CSMD1: variants seen among roughly 807,000 people sequenced by gnomAD.
CSMD1 encodes the protein CUB and Sushi multiple domains 1.
In CSMD1, 213 loss-of-function variants were observed where a neutral mutation model predicts 417.5. The ratio of observed to expected loss-of-function variants is 0.51; its 90% CI spans 0.46 to 0.57. The LOEUF is 0.57. Ranked by LOEUF, CSMD1 falls within the 20% of genes least tolerant of loss-of-function variation. CSMD1 has a pLI of 0.00. For synonymous variants in CSMD1, 2,862 were observed against 1,736.8 expected (o/e 1.65, Z -16.11); for missense variants, 6,923 against 4,529.7 (o/e 1.53, Z -15.17).
chr8:3,251,568 A>C (rs990169756), intron 26 of CSMD1, among the ~76,000 whole-genome samples: 1 of 152,142 alleles, frequency 6.6e-6, no homozygotes. Flanking sequence ...GTTCCATATG[A>C]ACTTTAAAGT....
In CSMD1 at chr8:4,032,062, G is replaced by A. The variant is rs1344444549; in HGVS notation, c.453C>T (p.Ile151=). 2.2e-5 allele frequency: 36 copies of A among 1,613,194 alleles called. No individual in the cohort carries two copies. In the Admixed American group the frequency reaches 5.3e-4, roughly 24 times the overall value. The change falls in exon 4 of 70, where the codon ATC becomes ATT. Residue 151 remains isoleucine (I), a synonymous_variant. Coordinates refer to ENST00000635120, the MANE Select transcript of CSMD1 (RefSeq NM_033225.6). ...TCGTTCCATGCAGAACTCCTTTCAG[G>A]ATTTCTCCAGGATTTCCACAAGTGT... is the stretch of plus-strand genomic sequence containing the variant. ...PSHTCGNPGE[I]LKGVLHGTRF...
chr8:4,473,976 T>A (rs1800667633), intron 2 of CSMD1, among the ~76,000 whole-genome samples: 1 of 152,044 alleles, frequency 6.6e-6, no homozygotes, highest in Non-Finnish European at 1.5e-5. Flanking sequence ...GGTACCTGTG[T>A]CAAAAGAGAC....
chr8:4,024,507 C>G (rs528523273), intron 4 of CSMD1, among the ~76,000 whole-genome samples: 1 of 152,256 alleles, frequency 6.6e-6, no homozygotes, highest in South Asian at 2.1e-4. Context: ...TGACTTGTTA[C>G]AATGTCCAAG....
At chr8:3,005,870 G>T (rs9774701) in intron 52 of CSMD1, among the ~76,000 whole-genome samples, 7,567 of 151,906 alleles carry the variant, frequency 0.05, 184 homozygotes, top group East Asian at 0.07. Context: ...ACAAGACAGG[G>T]ATGCCCTCTC....
chr8:4,406,930 C>G (rs570419038), intron 3 of CSMD1, among the ~76,000 whole-genome samples: 56 of 152,194 alleles, frequency 3.7e-4, no homozygotes, highest in African/African-American at 1.3e-3. Flanking sequence ...ATAACAAGAC[C>G]AAGCTGACTT....
At chr8:4,123,646 G>C (rs7836674) in intron 3 of CSMD1, among the ~76,000 whole-genome samples, 1 of 152,050 alleles carries the variant, frequency 6.6e-6, no homozygotes, top group African/African-American at 2.4e-5. Context: ...ATTGGAAATG[G>C]GAACTGGTAA....
At chr8:3,806,160 C>G (rs1344426483) in intron 5 of CSMD1, among the ~76,000 whole-genome samples, 3 of 152,134 alleles carry the variant, frequency 2.0e-5, no homozygotes. Context: ...TGACACAACC[C>G]ATCATATAAG....
intron 12 of CSMD1, among the ~76,000 whole-genome samples, chr8:3,462,197 G>C (rs996205535): frequency 6.6e-6 from 1 of 151,986 alleles, no homozygotes; most frequent in African/African-American, 2.4e-5. Flanking sequence ...GCAGTGTTCT[G>C]GTCCCTCCCT....
chr8:4,602,315 G>A (rs1006843599), intron 2 of CSMD1, among the ~76,000 whole-genome samples: 1 of 152,140 alleles, frequency 6.6e-6, no homozygotes, highest in Non-Finnish European at 1.5e-5. Context: ...GCACTTCAGA[G>A]GTCCGAAGCC....
intron 3 of CSMD1, among the ~76,000 whole-genome samples, chr8:4,096,350 T>A (rs1801010709): frequency 6.6e-6 from 1 of 152,108 alleles, no homozygotes; most frequent in African/African-American, 2.4e-5. Context: ...CAGCTTGGAT[T>A]TCCATATGGG....
At chr8:4,103,243 T>G (rs1227997197) in intron 3 of CSMD1, among the ~76,000 whole-genome samples, 1 of 121,152 alleles carries the variant, frequency 8.3e-6, no homozygotes, top group African/African-American at 3.1e-5. Context: ...AAATCTATAC[T>G]GATGATCAGT....
intron 3 of CSMD1, among the ~76,000 whole-genome samples, chr8:4,344,280 CTGTCATGTGTCTA>C (rs1800651616): frequency 6.6e-6 from 1 of 152,120 alleles, no homozygotes; most frequent in Admixed American, 6.6e-5. Flanking sequence ...ATTGTTCATT[CTGTCATGTGTCTA>C]GTTTAACAAA....
intron 40 of CSMD1, among the ~76,000 whole-genome samples, chr8:3,145,040 G>C (rs1019470245): frequency 1.4e-5 from 1 of 73,808 alleles, no homozygotes; most frequent in Admixed American, 1.1e-4. Flanking sequence ...CTAGAGTAAA[G>C]AGTTGTGTGT....
chr8:4,471,605 C>T (rs557373082), intron 2 of CSMD1, among the ~76,000 whole-genome samples: 1 of 151,850 alleles, frequency 6.6e-6, no homozygotes, highest in African/African-American at 2.4e-5. Flanking sequence ...AGAAAACAAC[C>T]CAGAACATTA....
chr8:2,936,312 C>T lies in CSMD1; in HGVS notation c.*2273G>A, dbSNP rs1267902723. On this transcript the variant is annotated 3_prime_UTR_variant, in exon 70 of 70. Transcript: ENST00000635120. ...GGATATGGGAACAGAGATGTTAATT[C>T]AGACTCTGAAGTCAGCATTTTGCAC... 1 of 151,770 alleles carries T rather than the reference C, an allele frequency of 6.6e-6. No individual in the cohort carries two copies. The highest frequency in any genetic ancestry group is 1.5e-5 in the Non-Finnish European group (1 of 68,000). 9.4% of individuals were successfully genotyped at this position (151,770 alleles called of 1,614,324 possible). A position where few individuals can be genotyped will look rare whatever the true frequency, so the allele number is the denominator to read the frequency against.
At chr8:3,318,435 T>G (rs935789356) in intron 23 of CSMD1, among the ~76,000 whole-genome samples, 1 of 152,168 alleles carries the variant, frequency 6.6e-6, no homozygotes, top group Non-Finnish European at 1.5e-5. Context: ...ACGCCGAAGA[T>G]ACAAAATTAA....
At chr8:3,726,701 A>G (rs1033634715) in intron 6 of CSMD1, among the ~76,000 whole-genome samples, 7 of 152,136 alleles carry the variant, frequency 4.6e-5, no homozygotes, top group African/African-American at 1.4e-4. Flanking sequence ...TACGAGGTGT[A>G]TATTTACCTA....
At chr8:3,063,765 C>A (rs1242100907) in intron 49 of CSMD1, among the ~76,000 whole-genome samples, 1 of 152,012 alleles carries the variant, frequency 6.6e-6, no homozygotes, top group Admixed American at 6.6e-5. Flanking sequence ...ATGTGAGGTG[C>A]CTAGAGTAGT....
chr8:3,876,264 G>C (rs567987587), intron 5 of CSMD1, among the ~76,000 whole-genome samples: 1 of 152,130 alleles, frequency 6.6e-6, no homozygotes, highest in Non-Finnish European at 1.5e-5. Flanking sequence ...GCATTCACGT[G>C]TTGTTTTATT....
Sources: allele counts gnomAD v4.1 joint callset (sites outside exome capture counted in the v4.1 genomes callset), GRCh38; gene constraint gnomAD v4.1.1; transcripts MANE v1.5; gene names NCBI Gene and HGNC (gene_info 2026-07-23, HGNC 2026-07-21).